Variants in UTP20 observed in about 807,000 individuals in gnomAD.
The protein encoded by UTP20 is small subunit processome component 20 homolog.
Under a neutral mutation model 329.5 loss-of-function variants are expected in UTP20, and 164 were observed. The observed-to-expected ratio is 0.50, with a 90% CI of 0.44 to 0.57. UTP20 has a LOEUF of 0.57. Ranked by LOEUF, UTP20 falls within the 20% of genes least tolerant of loss-of-function variation. UTP20 has a pLI of 0.00. For synonymous variants in UTP20, 1,151 were observed against 1,159.3 expected (o/e 0.99, Z 0.14); for missense variants, 3,055 against 3,284.2 (o/e 0.93, Z 1.71).
Position 101,383,253 on chromosome 12 carries a change from C to G in UTP20, c.7869C>G (p.Ile2623Met). 6.2e-7 allele frequency: 1 copy of G among 1,614,122 alleles called. No homozygotes were observed. The highest frequency in any genetic ancestry group is 8.5e-7 in the Non-Finnish European group (1 of 1,180,034). The change falls in exon 59 of 62, where the codon ATC becomes ATG. Residue 2623 changes from isoleucine (I) to methionine (M), a missense_variant. Physicochemically the swap from Ile to Met is conservative, Grantham distance 10. Transcript: ENST00000261637. ...LGRPATLLWL[I>M]QKLSRIAKLE... Reference sequence around the variant, plus strand: ...GGCCGGCCACGCTGCTGTGGTTGATCCAGAAGCTGTCCCGGATTGCAAAAC... The same window carrying G: ...GGCCGGCCACGCTGCTGTGGTTGATGCAGAAGCTGTCCCGGATTGCAAAAC...
intron 23 of UTP20, among the ~76,000 whole-genome samples, chr12:101,320,031 A>C (rs1327960242): frequency 6.6e-6 from 1 of 152,226 alleles, no homozygotes; most frequent in Non-Finnish European, 1.5e-5. Context: ...AGTCCATTGC[A>C]GTCATAATTA....
In UTP20 at chr12:101,300,926, G is replaced by T. The variant is rs371828625; in HGVS notation, c.1675+865G>T. ...GTAGAAAATTCTGTTATACAGCACT[G>T]ATCTAGAGCCTAGAGCAGGGACTGG... On this transcript the variant is annotated intron_variant, in intron 14 of 61. Coordinates refer to ENST00000261637, the MANE Select transcript of UTP20 (RefSeq NM_014503.3). Among the ~76,000 whole-genome samples the T allele has an allele frequency of 9.2e-5, 14 of 152,112 alleles. No homozygotes were observed. The East Asian group carries it at 1.3e-3, about 15-fold the overall frequency.
In UTP20 at chr12:101,280,203, A is replaced by G. The variant is rs1456233654; in HGVS notation, c.-80A>G. The G allele has an allele frequency of 6.6e-7, 1 of 1,525,922 alleles. No homozygotes were observed. Among genetic ancestry groups the G allele is most frequent in the Non-Finnish European group, 8.9e-7 (1 of 1,124,874 alleles). The allele number at this position is 1,525,922 out of a possible 1,614,324, so 94.5% of individuals were successfully genotyped here. Reference sequence around the variant, plus strand: ...TGGGAATCGGAGAGTATAGCCTGTGAGCCGCTTTCCCCTCCTTACTGTCGG... The same window carrying G: ...TGGGAATCGGAGAGTATAGCCTGTGGGCCGCTTTCCCCTCCTTACTGTCGG... On this transcript the variant is annotated 5_prime_UTR_variant, in exon 1 of 62. Coordinates refer to ENST00000261637, the MANE Select transcript of UTP20 (RefSeq NM_014503.3).
intron 25 of UTP20, among the ~76,000 whole-genome samples, chr12:101,324,385 G>A (rs557369855): frequency 1.2e-3 from 185 of 152,004 alleles, no homozygotes; most frequent in South Asian, 8.9e-3. Flanking sequence ...CTACAGGCAC[G>A]TGCCAAAACG....
intron 23 of UTP20, among the ~76,000 whole-genome samples, chr12:101,320,029 G>A (rs1035412229): frequency 6.6e-6 from 1 of 152,180 alleles, no homozygotes; most frequent in African/African-American, 2.4e-5. Context: ...GTAGTCCATT[G>A]CAGTCATAAT....
intron 32 of UTP20, among the ~76,000 whole-genome samples, chr12:101,341,968 C>T (rs531503461): frequency 4.9e-4 from 74 of 152,160 alleles, no homozygotes; most frequent in African/African-American, 1.6e-3. Flanking sequence ...CAACTATTTA[C>T]GTAGCATTTA....
chr12:101,282,870 T>A (rs1161863707), intron 2 of UTP20, among the ~76,000 whole-genome samples: 1 of 152,080 alleles, frequency 6.6e-6, no homozygotes, highest in African/African-American at 2.4e-5. Flanking sequence ...ATTCCAGAGA[T>A]GTTGAGGAAG....
At position 101,385,591 on chromosome 12, in the gene UTP20, C is replaced by T. The variant is rs2121075682; in HGVS notation, c.8065C>T (p.Leu2689=). The stretch of plus-strand genomic sequence containing the variant: ...TCTTTGTGTGTGATTAGATCCTTTG[C>T]TGAAGAATCTATCCCAGGAAATCAT... ...NSTYSEQDPL[L]KNLSQEIIEL... Residue 2689 remains leucine (L), a synonymous_variant, in exon 61 of 62, where the codon CTG becomes TTG. Transcript: ENST00000261637. 1.2e-6 allele frequency: 2 copies of T among 1,611,120 alleles called. No individual in the cohort carries two copies. The highest frequency in any genetic ancestry group is 1.7e-6 in the Non-Finnish European group (2 of 1,179,462).
chr12:101,320,834 G>C lies in UTP20; in HGVS notation c.2830-18G>C. The stretch of plus-strand genomic sequence containing the variant: ...ATGTATATATGACTTCATTAATTCT[G>C]TAAAATACTGTTCTTAGTTGTTGCT... On this transcript the variant is annotated intron_variant, in intron 23 of 61. Coordinates refer to ENST00000261637, the MANE Select transcript of UTP20 (RefSeq NM_014503.3). 1 of 1,597,734 alleles carries C rather than the reference G, an allele frequency of 6.3e-7. No individual in the cohort carries two copies. The highest frequency in any genetic ancestry group is 1.1e-5 in the South Asian group (1 of 87,282).
Position 101,321,631 on chromosome 12 carries a change from T to C in UTP20, c.3041+2T>C. The C allele has an allele frequency of 6.2e-7, 1 of 1,612,738 alleles. No individual in the cohort carries two copies. The highest frequency in any genetic ancestry group is 8.5e-7 in the Non-Finnish European group (1 of 1,179,316). On this transcript the variant is annotated splice_donor_variant, in intron 25 of 61. Coordinates refer to ENST00000261637, the MANE Select transcript of UTP20 (RefSeq NM_014503.3). LOFTEE classifies it high-confidence loss of function. ...AGATCTATTTCCTATTCTGATGAGG[T>C]ATTTATGCTGTTCAAACACTGATTT...
chr12:101,341,514 T>A (rs1215517368), intron 32 of UTP20, among the ~76,000 whole-genome samples: 2 of 152,218 alleles, frequency 1.3e-5, no homozygotes, highest in African/African-American at 4.8e-5. Flanking sequence ...CAGAAATGTA[T>A]ACAGTTGGCC....
chr12:101,342,681 G>T (rs1408544305), intron 33 of UTP20, 92 bp downstream of exon 33: 1 of 1,534,334 alleles, frequency 6.5e-7, no homozygotes, highest in Non-Finnish European at 8.9e-7. Context: ...TCATGCCAGG[G>T]TGATGTTTTT....
At chr12:101,383,736 T>G in intron 60 of UTP20, 67 bp downstream of exon 60, 1 of 1,323,414 alleles carries the variant, frequency 7.6e-7, no homozygotes, top group African/African-American at 1.5e-5. Flanking sequence ...TCCTGAATGT[T>G]TCCTTCTTCC....
rs909649009 is a variant in UTP20, at chr12:101,344,344, G to A, written c.4450-251G>A. On this transcript the variant is annotated intron_variant, in intron 35 of 61. Coordinates refer to ENST00000261637, the MANE Select transcript of UTP20 (RefSeq NM_014503.3). Reference sequence around the variant, plus strand: ...TTTGGGAAGTAAAACTAATTAACAAGGACATTTCATAGTGCTGCCTGAAAT... The same window carrying A: ...TTTGGGAAGTAAAACTAATTAACAAAGACATTTCATAGTGCTGCCTGAAAT... Among the ~76,000 whole-genome samples, 8 of 152,324 alleles carry A rather than the reference G, an allele frequency of 5.3e-5. 1 individual carries two copies. The South Asian group carries it at 1.2e-3, about 24-fold the overall frequency.
At chr12:101,323,614 T>C (rs1182122908) in intron 25 of UTP20, among the ~76,000 whole-genome samples, 2 of 152,216 alleles carry the variant, frequency 1.3e-5, no homozygotes, top group Non-Finnish European at 2.9e-5. Context: ...TTATGGGTCA[T>C]TTGTGTTTAT....
At chr12:101,383,712 A>G (rs777614212) in intron 60 of UTP20, 43 bp downstream of exon 60, 2 of 1,430,068 alleles carry the variant, frequency 1.4e-6, no homozygotes, top group Non-Finnish European at 1.9e-6. Context: ...GCACATGAGG[A>G]TTTCTAACTT....
In UTP20 at chr12:101,361,862, T is replaced by C. The variant is rs1054537630; in HGVS notation, c.5692-100T>C. ...AAGCTTCTCCTGGCAATAAAAGACA[T>C]ATAAACTCTGAGTGTTCTCTTTGCA... On this transcript the variant is annotated intron_variant, in intron 43 of 61. Coordinates refer to ENST00000261637, the MANE Select transcript of UTP20 (RefSeq NM_014503.3). 1.9e-5 allele frequency: 17 copies of C among 890,392 alleles called. No individual in the cohort carries two copies. In the African/African-American group the frequency reaches 2.9e-4, roughly 15 times the overall value. The allele number at this position is 890,392 out of a possible 1,614,324, so 55.2% of individuals were successfully genotyped here.
At chr12:101,324,538 A>G (rs1245577414) in intron 25 of UTP20, among the ~76,000 whole-genome samples, 3 of 152,130 alleles carry the variant, frequency 2.0e-5, no homozygotes, top group Non-Finnish European at 2.9e-5. Flanking sequence ...CCAAAGTGCT[A>G]TGATTACACA....
chr12:101,375,997 A>AATTTC (rs138317416), intron 56 of UTP20, among the ~76,000 whole-genome samples: 4,482 of 152,288 alleles, frequency 0.029, 112 homozygotes, highest in South Asian at 0.047. Flanking sequence ...GGTACTTAAT[A>AATTTC]ATTTCAGATA....
Sources: gnomAD v4.1 joint callset for allele counts (sites outside exome capture counted in the v4.1 genomes callset) on GRCh38, gnomAD v4.1.1 for gene constraint, MANE v1.5 for transcripts, NCBI Gene and HGNC (gene_info 2026-07-23, HGNC 2026-07-21) for gene names.